Variants in ADAMTSL1 observed in about 807,000 individuals in gnomAD.
ADAMTSL1 encodes the protein ADAMTS-like protein 1.
A neutral mutation model predicts 201.8 loss-of-function variants in ADAMTSL1; 126 were observed. The observed-to-expected ratio is 0.62, with a 90% CI of 0.54 to 0.72. ADAMTSL1 has a LOEUF of 0.72. ADAMTSL1 is among the 30% of genes least tolerant of loss of function. ADAMTSL1 has a pLI of 0.00. For missense variants in ADAMTSL1, 2,679 were observed against 2,277.8 expected (o/e 1.18, Z -3.59); for synonymous variants, 1,121 against 903.4 (o/e 1.24, Z -4.32).
At chr9:18,718,563 T>A in intron 14 of ADAMTSL1, 1 of 462,158 alleles carries the variant, frequency 2.2e-6, no homozygotes, top group South Asian at 1.7e-5. Flanking sequence ...CCTCTCACGC[T>A]GTCACCGGGT....
rs150193157 is a variant in ADAMTSL1 at position 18,125,347 on chromosome 9, C to G, written c.88-38515C>G. On this transcript the variant is annotated intron_variant, in intron 1 of 29. Coordinates refer to the ADAMTSL1 transcript ENST00000680146. ...ACCCCCATAATTCAATCACCTCTCA[C>G]TGGGTTCCTCCCACGACCATGTGGG... 1.4e-3 allele frequency among the ~76,000 whole-genome samples: 220 copies of G among 152,290 alleles called. 7 individuals are homozygous for G. In the East Asian group the frequency reaches 0.041, roughly 28 times the overall value.
chr9:18,576,335 T>G (rs188349978), intron 4 of ADAMTSL1, among the ~76,000 whole-genome samples: 1 of 152,230 alleles, frequency 6.6e-6, no homozygotes, highest in Non-Finnish European at 1.5e-5. Flanking sequence ...GCAGTAAGAA[T>G]AGGGAGGTAG....
chr9:18,037,837 A>T (rs892472162), intron 1 of ADAMTSL1, among the ~76,000 whole-genome samples: 1 of 152,200 alleles, frequency 6.6e-6, no homozygotes, highest in Non-Finnish European at 1.5e-5. Context: ...GCATCTGAAG[A>T]TTTATTACAG....
chr9:18,710,100 G>T (rs1214425265), intron 14 of ADAMTSL1, among the ~76,000 whole-genome samples: 1 of 152,126 alleles, frequency 6.6e-6, no homozygotes, highest in African/African-American at 2.4e-5. Context: ...ACTCCAAGGT[G>T]AAGCCCTTAG....
At chr9:18,006,045 G>T (rs2131544342) in intron 1 of ADAMTSL1, among the ~76,000 whole-genome samples, 1 of 151,896 alleles carries the variant, frequency 6.6e-6, no homozygotes, top group Admixed American at 6.6e-5. Context: ...TATATTCGGT[G>T]ACTGCAGTAA....
In ADAMTSL1 at chr9:18,030,076, T is replaced by G. The variant is rs1325312317; in HGVS notation, c.87+123154T>G. On this transcript the variant is annotated intron_variant, in intron 1 of 29. Transcript: ENST00000680146. Reference sequence around the variant, plus strand: ...ATACCCAAAGGATTATAAATCCTGCTGCTATAAAGACACATGCACACATAT... The same window carrying G: ...ATACCCAAAGGATTATAAATCCTGCGGCTATAAAGACACATGCACACATAT... Among the ~76,000 whole-genome samples, 6 of 152,222 alleles carry G rather than the reference T, an allele frequency of 3.9e-5. No homozygotes were observed. The East Asian group carries it at 5.8e-4, about 15-fold the overall frequency.
intron 16 of ADAMTSL1, among the ~76,000 whole-genome samples, chr9:18,755,724 CT>C (rs1819711501): frequency 6.6e-6 from 1 of 152,090 alleles, no homozygotes; most frequent in Admixed American, 6.6e-5. Flanking sequence ...TTTTCATCTA[CT>C]TTGGGCCTGC....
rs1421929087 is a variant in ADAMTSL1, at chr9:18,669,502, GGTGGAAGCCCA to G, written c.1086-6353_1086-6343del. ...AGCAGACTCCTTTTGATCTGATTTC[GGTGGAAGCCCA>G]GATAAATGAATGTTGCTGCTTAGTT... On this transcript the variant is annotated intron_variant, in intron 9 of 28. Transcript: ENST00000380548. Among the ~76,000 whole-genome samples the G allele has an allele frequency of 2.6e-5, 4 of 152,162 alleles. No homozygotes were observed. In the East Asian group the frequency reaches 7.7e-4, roughly 29 times the overall value.
At chr9:18,664,129 A>G (rs931091722) in intron 9 of ADAMTSL1, among the ~76,000 whole-genome samples, 1 of 152,084 alleles carries the variant, frequency 6.6e-6, no homozygotes, top group African/African-American at 2.4e-5. Flanking sequence ...AAGCTGAGAA[A>G]ATTAAGACTT....
chr9:18,448,125 A>G (rs1317998833), intron 2 of ADAMTSL1, among the ~76,000 whole-genome samples: 1 of 152,226 alleles, frequency 6.6e-6, no homozygotes, highest in Non-Finnish European at 1.5e-5. Context: ...CCTCAGTAAT[A>G]AATTCTTTTA....
At chr9:18,413,390 C>G (rs1818536336) in intron 2 of ADAMTSL1, among the ~76,000 whole-genome samples, 1 of 152,070 alleles carries the variant, frequency 6.6e-6, no homozygotes, top group South Asian at 2.1e-4. Context: ...GTCTCAAACT[C>G]CTGACCTCAG....
intron 26 of ADAMTSL1, among the ~76,000 whole-genome samples, chr9:18,898,022 CA>C (rs34613156): frequency 0.52 from 73,621 of 141,566 alleles, 18,716 homozygotes; most frequent in African/African-American, 0.61. Flanking sequence ...CTAAAAATAT[CA>C]AAAAAAAAAA....
chr9:18,723,052 G>A (rs559068594), intron 15 of ADAMTSL1: 37 of 779,892 alleles, frequency 4.7e-5, no homozygotes, highest in South Asian at 3.9e-4. Context: ...CGCCTGCAAC[G>A]TTCTTTGTTA....
At chr9:18,532,781 A>G (rs1398726105) in intron 2 of ADAMTSL1, among the ~76,000 whole-genome samples, 1 of 151,576 alleles carries the variant, frequency 6.6e-6, no homozygotes, top group African/African-American at 2.4e-5. Context: ...ATAAATAAAA[A>G]TAATTTTTTA....
At chr9:18,601,562 T>C (rs1476877225) in intron 4 of ADAMTSL1, among the ~76,000 whole-genome samples, 1 of 152,184 alleles carries the variant, frequency 6.6e-6, no homozygotes, top group African/African-American at 2.4e-5. Flanking sequence ...ACTAACACAG[T>C]CATGGCCAGT....
chr9:18,073,933 C>T (rs943558116), intron 1 of ADAMTSL1, among the ~76,000 whole-genome samples: 3 of 152,120 alleles, frequency 2.0e-5, no homozygotes, highest in Non-Finnish European at 2.9e-5. Context: ...AAGGTTGCTT[C>T]ACACGGGAGG....
At chr9:17,948,977 A>G (rs1827622214) in intron 1 of ADAMTSL1, among the ~76,000 whole-genome samples, 1 of 152,200 alleles carries the variant, frequency 6.6e-6, no homozygotes, top group Non-Finnish European at 1.5e-5. Flanking sequence ...TGTATTGAGG[A>G]TCAGATAGCT....
At chr9:18,694,964 C>A (rs1321976626) in intron 13 of ADAMTSL1, among the ~76,000 whole-genome samples, 2 of 152,256 alleles carry the variant, frequency 1.3e-5, no homozygotes, top group East Asian at 3.8e-4. Context: ...GCCCTCTGTG[C>A]ACCCAGAGGC....
At chr9:18,056,128 G>C (rs898697200) in intron 1 of ADAMTSL1, among the ~76,000 whole-genome samples, 11 of 150,552 alleles carry the variant, frequency 7.3e-5, no homozygotes, top group Middle Eastern at 3.5e-3. Flanking sequence ...TTTTAGAAAG[G>C]GTGATTTTTT....
Sources: allele counts gnomAD v4.1 joint callset (sites outside exome capture counted in the v4.1 genomes callset), GRCh38; gene constraint gnomAD v4.1.1; transcripts MANE v1.5; gene names NCBI Gene and HGNC (gene_info 2026-07-23, HGNC 2026-07-21).